The following LAMC3 variants were observed in gnomAD, a reference collection of about 807,000 sequenced individuals.
The protein encoded by LAMC3 is laminin subunit gamma 3.
A neutral mutation model predicts 173.8 loss-of-function variants in LAMC3; 128 were observed. The ratio of observed to expected loss-of-function variants is 0.74; its 90% confidence interval spans 0.64 to 0.85. The LOEUF is 0.85. Ranked by LOEUF, LAMC3 falls within the 40% of genes least tolerant of loss-of-function variation. The pLI is 0.00. For synonymous variants in LAMC3, 897 were observed against 909.1 expected, an observed-to-expected ratio of 0.99 and a Z score of 0.24; for missense variants, 2,022 against 2,156.0, an observed-to-expected ratio of 0.94 and a Z score of 1.23.
At position 131,052,609 on chromosome 9, in the gene LAMC3, C is replaced by T. The variant is rs1217318748; in HGVS notation, c.1749C>T (p.Ala583=). Residue 583 remains alanine (A), a synonymous_variant, in exon 10 of 28, where the codon GCC becomes GCT. Coordinates refer to ENST00000361069, the MANE Select transcript of LAMC3 (RefSeq NM_006059.4). ...VQLRLEGTGL[A]LSLRHSSLSG... ...TGAGGCTGGAAGGGACAGGCTTGGC[C>T]CTGTCCCTGAGGCACTCTAGCCTGT... The T allele has an allele frequency of 6.8e-6, 11 of 1,613,928 alleles. No homozygotes were observed. Among genetic ancestry groups the T allele is most frequent in the Admixed American group, 1.7e-5 (1 of 60,008 alleles).
chr9:131,010,260 G>A (rs1304347762), intron 1 of LAMC3, among the ~76,000 whole-genome samples: 1 of 151,974 alleles, frequency 6.6e-6, no homozygotes. Context: ...GAGAGGTTGA[G>A]GCTGCATGAA....
Position 131,075,845 on chromosome 9 carries a change from C to T in LAMC3, c.3509C>T (p.Ala1170Val). Reference sequence around the variant, plus strand: ...TCCTCACACAGCCACAGAGACACCGCCACCAAGATCGCAGCCACTGCTTGG... The same window carrying T: ...TCCTCACACAGCCACAGAGACACCGTCACCAAGATCGCAGCCACTGCTTGG... The part of the protein sequence containing the change: ...RALARSHRDT[A>V]TKIAATAWRA... Residue 1170 changes from alanine (A) to valine (V), a missense_variant, in exon 21 of 28, where the codon GCC (alanine) becomes GTC (valine). Transcript: ENST00000361069. 6.2e-7 allele frequency: 1 copy of T among 1,611,886 alleles called. No individual in the cohort carries two copies. The highest frequency in any genetic ancestry group is 8.5e-7 in the Non-Finnish European group (1 of 1,179,308).
intron 18 of LAMC3, among the ~76,000 whole-genome samples, chr9:131,072,188 C>T (rs1830047901): frequency 2.0e-5 from 3 of 151,868 alleles, no homozygotes; most frequent in African/African-American, 7.3e-5. Flanking sequence ...GATTGGATTA[C>T]TTTGTGAAGT....
Position 131,082,065 on chromosome 9 carries a change from C to G in LAMC3, c.3934C>G (p.Gln1312Glu). 1 of 1,613,444 alleles carries G rather than the reference C, an allele frequency of 6.2e-7. No homozygotes were observed. Among genetic ancestry groups the G allele is most frequent in the South Asian group, 1.1e-5 (1 of 91,022 alleles). Reference sequence around the variant, plus strand: ...TCTCCTCATCTCTCTCCAGCTGCACCAGGAGGCCAGAGCCGCCCTGACCCA... The same window carrying G: ...TCTCCTCATCTCTCTCCAGCTGCACGAGGAGGCCAGAGCCGCCCTGACCCA... ...RQTEPLTKLH[Q>E]EARAALTQAS... is the part of the protein sequence containing the mutation. The change falls in exon 24 of 28, where the codon CAG becomes GAG. Residue 1312 changes from glutamine (Q) to glutamate (E), a missense_variant. By Grantham distance (29) the Gln-to-Glu change is conservative. Coordinates refer to ENST00000361069, the MANE Select transcript of LAMC3 (RefSeq NM_006059.4).
At chr9:131,072,566 G>A (rs946713731) in intron 18 of LAMC3, 64 bp from the exon 19 acceptor site, 1 of 1,401,974 alleles carries the variant, frequency 7.1e-7, no homozygotes, top group African/African-American at 1.4e-5. Flanking sequence ...GGACCCCTGG[G>A]GGTGGGGGCT....
chr9:131,069,530 G>T, intron 16 of LAMC3, 142 bp from the exon 17 acceptor site: 1 of 794,866 alleles, frequency 1.3e-6, no homozygotes, highest in East Asian at 2.7e-5. Context: ...CCAGGGAAGG[G>T]CCCAGGAATG....
rs200521528 is a variant in LAMC3 at position 131,077,325 on chromosome 9, G to A, written c.3768G>A (p.Pro1256=). Residue 1256 remains proline, a synonymous_variant, in exon 22 of 28, where the codon CCG becomes CCA. Coordinates refer to ENST00000361069, the MANE Select transcript of LAMC3 (RefSeq NM_006059.4). ...TAPYLALLAS[P]GALPQKSRAE... ...CGTACCTGGCCTTGCTGGCTTCCCC[G>A]GGAGCTCTGGTCAGCTCAGTTGTCT... 2.0e-5 allele frequency: 33 copies of A among 1,613,644 alleles called. No homozygotes were observed. The Middle Eastern group carries it at 4.9e-4, about 24-fold the overall frequency.
chr9:131,010,791 C>G (rs913550517), intron 1 of LAMC3, among the ~76,000 whole-genome samples: 1 of 152,240 alleles, frequency 6.6e-6, no homozygotes, highest in Admixed American at 6.5e-5. Context: ...GCCCTTAGAT[C>G]TCCAGGAATC....
At chr9:131,036,858 G>C (rs1833954815) in intron 4 of LAMC3, among the ~76,000 whole-genome samples, 1 of 152,204 alleles carries the variant, frequency 6.6e-6, no homozygotes, top group South Asian at 2.1e-4. Context: ...CCTTCTGGCT[G>C]GGGCACTGGC....
Position 131,026,135 on chromosome 9 carries a change from T to TGG in LAMC3, c.374-149_374-148dup. ...CCAGTGCCCCAGCAGGCATCATGAA[T>TGG]GGAGGGTGGCTTCCCCTGTCCAGAG... On this transcript the variant is annotated intron_variant, in intron 1 of 27. Coordinates refer to ENST00000361069, the MANE Select transcript of LAMC3 (RefSeq NM_006059.4). This position sits in a 1 kb window ranked among gnomAD's most constrained non-coding sequence, Gnocchi z 4.8. The TGG allele has an allele frequency of 6.8e-7, 1 of 1,475,166 alleles. No individual in the cohort carries two copies. Among genetic ancestry groups the TGG allele is most frequent in the African/African-American group, 1.4e-5 (1 of 71,438 alleles). The allele number at this position is 1,475,166 out of a possible 1,614,324, so 91.4% of individuals were successfully genotyped here.
At chr9:131,027,906 C>T (rs1270769683) in intron 2 of LAMC3, among the ~76,000 whole-genome samples, 3 of 152,238 alleles carry the variant, frequency 2.0e-5, no homozygotes, top group African/African-American at 4.8e-5. Context: ...GCGGACCTGC[C>T]GGGATCGGCA....
At chr9:131,084,112 A>G (rs946439109) in intron 24 of LAMC3, among the ~76,000 whole-genome samples, 1 of 147,926 alleles carries the variant, frequency 6.8e-6, no homozygotes, top group Non-Finnish European at 1.5e-5. Flanking sequence ...TGAACTCCTG[A>G]CCTCTGGTGA....
rs1833379931 is a variant in LAMC3 at position 131,009,825 on chromosome 9, T to G, written c.373+238T>G. 6.6e-6 allele frequency among the ~76,000 whole-genome samples: 1 copy of G among 151,818 alleles called. No homozygotes were observed. Among genetic ancestry groups the G allele is most frequent in the African/African-American group, 2.4e-5 (1 of 41,308 alleles). On this transcript the variant is annotated intron_variant, in intron 1 of 27. Transcript: ENST00000361069. This position sits in a 1 kb window ranked among gnomAD's most constrained non-coding sequence, Gnocchi z 4.3. The stretch of plus-strand genomic sequence containing the variant: ...TGAGCCCAGGAGTTCAAGATCAGCC[T>G]GGGCAACGTAGTGAGATCCCATCTT...
rs1337579439 is a variant in LAMC3 at position 131,009,498 on chromosome 9, A to G, written c.284A>G (p.His95Arg). ...HHNASYLTDF[H>R]SQDESTWWQS... The stretch of plus-strand genomic sequence containing the variant: ...AACGCCTCCTACCTCACCGACTTCC[A>G]CAGCCAGGACGAGAGCACCTGGTGG... Residue 95 changes from histidine to arginine, a missense_variant, in exon 1 of 28, where the codon CAC (histidine) becomes CGC (arginine). Coordinates refer to ENST00000361069, the MANE Select transcript of LAMC3 (RefSeq NM_006059.4). This position sits in a 1 kb window ranked among gnomAD's most constrained non-coding sequence, Gnocchi z 4.3. 2 of 1,551,278 alleles carry G rather than the reference A, an allele frequency of 1.3e-6. No individual in the cohort carries two copies. The highest frequency in any genetic ancestry group is 1.2e-5 in the South Asian group (1 of 84,122).
At chr9:131,080,282 C>CTTTTTTTTTTTTTTTTTTTTTTTTTTTTT (rs869244832) in intron 23 of LAMC3, 1 of 56,338 alleles carries the variant, frequency 1.8e-5, no homozygotes. Context: ...AGCCTCATTC[C>CTTTTTTTTTTTTTTTTTTTTTTTTTTTTT]TTTTTTTTTT....
Position 131,068,917 on chromosome 9 carries a change from T to G in LAMC3, c.2757T>G (p.Cys919Trp). The change falls in exon 16 of 28, where the codon TGT becomes TGG. Residue 919 changes from cysteine to tryptophan, a missense_variant. By Grantham distance (215) the Cys-to-Trp change is radical (BLOSUM62 -2). Coordinates refer to ENST00000361069, the MANE Select transcript of LAMC3 (RefSeq NM_006059.4). ...QPGRGCRSCK[C>W]HPLGSQEDQC... Reference sequence around the variant, plus strand: ...CCTTCCCTGATCACAGCTGCAAGTGTCACCCACTGGGCTCCCAGGAGGACC... The same window carrying G: ...CCTTCCCTGATCACAGCTGCAAGTGGCACCCACTGGGCTCCCAGGAGGACC... The G allele has an allele frequency of 6.2e-7, 1 of 1,614,016 alleles. No individual in the cohort carries two copies. The highest frequency in any genetic ancestry group is 8.5e-7 in the Non-Finnish European group (1 of 1,180,006).
chr9:131,060,917 C>G, intron 12 of LAMC3, 118 bp from the exon 13 acceptor site: 1 of 1,006,590 alleles, frequency 9.9e-7, no homozygotes, highest in Non-Finnish European at 1.5e-6. Context: ...CTGCCTCTGC[C>G]TGGGAAAGGT....
chr9:131,020,255 C>T (rs1181424676), intron 1 of LAMC3, among the ~76,000 whole-genome samples: 2 of 152,156 alleles, frequency 1.3e-5, no homozygotes, highest in East Asian at 3.9e-4. Flanking sequence ...AGCAGGGTCC[C>T]TTAGCCCCAT....
intron 8 of LAMC3, among the ~76,000 whole-genome samples, chr9:131,047,163 C>CTTT (rs781187472): frequency 2.1e-5 from 1 of 48,552 alleles, no homozygotes; most frequent in Non-Finnish European, 4.7e-5. Flanking sequence ...CTCTGAATTC[C>CTTT]TCTTTTTTTT....
Sources: allele counts gnomAD v4.1 joint callset (sites outside exome capture counted in the v4.1 genomes callset), GRCh38; gene constraint gnomAD v4.1.1; non-coding constraint Gnocchi (gnomAD v3.1); transcripts MANE v1.5; gene names NCBI Gene and HGNC (gene_info 2026-07-23, HGNC 2026-07-21).